PALM2AKAP2: variants seen among roughly 807,000 people sequenced by gnomAD.
The protein encoded by PALM2AKAP2 is PALM2 and AKAP2 fusion, also known as PALM2-AKAP2 fusion protein.
A neutral mutation model predicts 71.5 loss-of-function variants in PALM2AKAP2; 37 were observed. The ratio of observed to expected loss-of-function variants is 0.52; its 90% CI spans 0.40 to 0.68. PALM2AKAP2 has a LOEUF of 0.68. Ranked by LOEUF, PALM2AKAP2 falls within the 30% of genes least tolerant of loss-of-function variation. PALM2AKAP2 has a pLI of 0.00. For missense variants in PALM2AKAP2, 1,224 were observed against 1,191.8 expected (o/e 1.03, Z -0.40); for synonymous variants, 468 against 478.8 (o/e 0.98, Z 0.29).
At chr9:109,677,800 G>A (rs914905057) in intron 1 of PALM2AKAP2, among the ~76,000 whole-genome samples, 2 of 152,042 alleles carry the variant, frequency 1.3e-5, no homozygotes, top group African/African-American at 2.4e-5. Flanking sequence ...TCACAGTAGC[G>A]GAACAACCTA....
chr9:109,757,760 C>A (rs967355484), intron 1 of PALM2AKAP2, among the ~76,000 whole-genome samples: 1 of 151,794 alleles, frequency 6.6e-6, no homozygotes, highest in African/African-American at 2.4e-5. Context: ...CCAAGGTTCA[C>A]CAAAAATGTA....
intron 6 of PALM2AKAP2, among the ~76,000 whole-genome samples, chr9:109,985,824 A>G (rs574991735): frequency 2.6e-5 from 4 of 151,918 alleles, no homozygotes; most frequent in Non-Finnish European, 2.9e-5. Flanking sequence ...TAATTTTTGT[A>G]TTGTTAGTGA....
At chr9:109,807,726 T>C (rs1827618604) in intron 1 of PALM2AKAP2, among the ~76,000 whole-genome samples, 1 of 152,168 alleles carries the variant, frequency 6.6e-6, no homozygotes, top group African/African-American at 2.4e-5. Flanking sequence ...AAGGCACTAA[T>C]TCACCCCCTG....
exon 6 of PALM2AKAP2, chr9:109,931,961 C>A (rs1460254882): frequency 1.2e-6 from 2 of 1,614,002 alleles, no homozygotes; most frequent in Non-Finnish European, 1.7e-6. Context: ...AGCTTCCCGA[C>A]CTGCCAATCC....
At chr9:110,049,368 A>AG (rs1833664681) in intron 1 of PALM2AKAP2, among the ~76,000 whole-genome samples, 1 of 152,082 alleles carries the variant, frequency 6.6e-6, no homozygotes, top group Non-Finnish European at 1.5e-5. Context: ...GACTGAAGTC[A>AG]GGGAGGGCCG....
chr9:109,697,042 T>C (rs1395760178), intron 1 of PALM2AKAP2, among the ~76,000 whole-genome samples: 1 of 152,162 alleles, frequency 6.6e-6, no homozygotes, highest in African/African-American at 2.4e-5. Flanking sequence ...AAGATTCTCT[T>C]GAAAGCACTT....
chr9:109,700,835 CTCTTA>C (rs1343769368), intron 1 of PALM2AKAP2, among the ~76,000 whole-genome samples: 1 of 152,170 alleles, frequency 6.6e-6, no homozygotes, highest in East Asian at 1.9e-4. Context: ...TTTCACCACT[CTCTTA>C]TGTTTTCAAA....
At chr9:109,799,167 A>G (rs1306064116) in intron 1 of PALM2AKAP2, among the ~76,000 whole-genome samples, 1 of 152,240 alleles carries the variant, frequency 6.6e-6, no homozygotes, top group Non-Finnish European at 1.5e-5. Flanking sequence ...GGGCAAAGTG[A>G]CAAGGTTTGT....
At position 110,108,245 on chromosome 9, in the gene PALM2AKAP2, T is replaced by G. The variant is rs181455368; in HGVS notation, c.157-27882T>G. 2.6e-5 allele frequency among the ~76,000 whole-genome samples: 4 copies of G among 151,784 alleles called. No individual in the cohort carries two copies. The East Asian group carries it at 7.8e-4, about 30-fold the overall frequency. On this transcript the variant is annotated intron_variant, in intron 1 of 3. Coordinates refer to ENST00000374525, the Ensembl canonical transcript of PALM2AKAP2. ...ATTCTGTCTCATCCTCCTGAGTAGC[T>G]GGGATTAAGGTGCCTGCCACCACGC...
intron 1 of PALM2AKAP2, among the ~76,000 whole-genome samples, chr9:109,714,835 A>G (rs1828292092): frequency 6.6e-6 from 1 of 152,186 alleles, no homozygotes; most frequent in Admixed American, 6.5e-5. Flanking sequence ...ATGAGGAGGA[A>G]TAACGGCCCC....
chr9:109,969,098 A>ACG (rs386415839), intron 6 of PALM2AKAP2, among the ~76,000 whole-genome samples: 1 of 151,802 alleles, frequency 6.6e-6, no homozygotes, highest in African/African-American at 2.4e-5. Flanking sequence ...GCACACACAC[A>ACG]CACACACACA....
At chr9:110,009,309 A>G (rs1832836040) in intron 6 of PALM2AKAP2, among the ~76,000 whole-genome samples, 1 of 152,174 alleles carries the variant, frequency 6.6e-6, no homozygotes, top group Non-Finnish European at 1.5e-5. Flanking sequence ...GTCAGAGCTA[A>G]GGAAGTCACC....
At chr9:110,058,596 G>C (rs148864702) in intron 1 of PALM2AKAP2, among the ~76,000 whole-genome samples, 1 of 152,222 alleles carries the variant, frequency 6.6e-6, no homozygotes, top group African/African-American at 2.4e-5. Flanking sequence ...GAACCAAAGC[G>C]CTGTTTCTAC....
intron 1 of PALM2AKAP2, among the ~76,000 whole-genome samples, chr9:109,804,262 T>C (rs1413248075): frequency 6.6e-6 from 1 of 152,190 alleles, no homozygotes; most frequent in African/African-American, 2.4e-5. Flanking sequence ...GGAAATAAGA[T>C]AGTCAGCATG....
At chr9:109,933,431 G>C (rs1051209079) in intron 6 of PALM2AKAP2, among the ~76,000 whole-genome samples, 1 of 152,204 alleles carries the variant, frequency 6.6e-6, no homozygotes, top group Non-Finnish European at 1.5e-5. Context: ...ACAAGTTCCT[G>C]CACTTCAAAG....
chr9:109,758,917 T>G (rs545278592), intron 1 of PALM2AKAP2, among the ~76,000 whole-genome samples: 7 of 152,240 alleles, frequency 4.6e-5, no homozygotes, highest in African/African-American at 1.7e-4. Flanking sequence ...AGTGCAGCTT[T>G]CATTTGCCTT....
exon 2 of PALM2AKAP2, chr9:110,137,332 C>T: frequency 6.2e-7 from 1 of 1,613,170 alleles, no homozygotes; most frequent in Non-Finnish European, 8.5e-7. Context: ...TCAACTCAGA[C>T]AAGCCACTGA....
chr9:110,137,406 G>A, exon 2 of PALM2AKAP2: 11 of 1,614,166 alleles, frequency 6.8e-6, no homozygotes, highest in Non-Finnish European at 9.3e-6. Flanking sequence ...GCCGCCAAGG[G>A]ACAGAAATCC....
chr9:109,783,572 T>C (rs1229911274), intron 1 of PALM2AKAP2, among the ~76,000 whole-genome samples: 1 of 152,210 alleles, frequency 6.6e-6, no homozygotes, highest in Non-Finnish European at 1.5e-5. Flanking sequence ...GCACTGAGTT[T>C]AGAGACATGA....
Sources: allele counts gnomAD v4.1 joint callset (sites outside exome capture counted in the v4.1 genomes callset), GRCh38; gene constraint gnomAD v4.1.1; transcripts MANE v1.5; gene names NCBI Gene and HGNC (gene_info 2026-07-23, HGNC 2026-07-21).